MAST2: variants seen among roughly 807,000 people sequenced by gnomAD.
The protein encoded by MAST2 is microtubule-associated serine/threonine-protein kinase 2.
MAST2 carries 70 observed loss-of-function variants against 147.4 expected under a neutral mutation model. The ratio of observed to expected loss-of-function variants is 0.47; its 90% CI spans 0.39 to 0.58. MAST2 has a LOEUF of 0.58. Ranked by LOEUF, MAST2 falls within the 20% of genes least tolerant of loss-of-function variation. The probability of loss-of-function intolerance (pLI) is 0.00; values close to 1 mark genes in which losing one functional copy is unlikely to be tolerated. For missense variants in MAST2, 2,080 were observed against 2,302.3 expected (o/e 0.90, Z 1.98); for synonymous variants, 869 against 896.8 (o/e 0.97, Z 0.55).
chr1:45,861,104 C>A (rs910610244), intron 3 of MAST2, among the ~76,000 whole-genome samples: 5 of 152,182 alleles, frequency 3.3e-5, no homozygotes, highest in Non-Finnish European at 5.9e-5. Flanking sequence ...GACTTACCAG[C>A]ACCTCTATTA....
At chr1:45,921,821 T>C (rs1219060068) in intron 4 of MAST2, among the ~76,000 whole-genome samples, 1 of 152,116 alleles carries the variant, frequency 6.6e-6, no homozygotes, top group African/African-American at 2.4e-5. Flanking sequence ...TCGCCCACAA[T>C]GTGTTGAGCA....
At chr1:45,915,776 A>G (rs1461864605) in intron 4 of MAST2, among the ~76,000 whole-genome samples, 2 of 151,968 alleles carry the variant, frequency 1.3e-5, no homozygotes, top group African/African-American at 2.4e-5. Flanking sequence ...TCAATTATAT[A>G]TTGAACAAAA....
chr1:45,920,932 T>C (rs949634229), intron 4 of MAST2, among the ~76,000 whole-genome samples: 1 of 152,210 alleles, frequency 6.6e-6, no homozygotes, highest in Non-Finnish European at 1.5e-5. Flanking sequence ...AAGGAAGTTA[T>C]TAATAAGTAG....
intron 3 of MAST2, among the ~76,000 whole-genome samples, chr1:45,851,762 C>A (rs1645630048): frequency 6.6e-6 from 1 of 151,836 alleles, no homozygotes; most frequent in Non-Finnish European, 1.5e-5. Context: ...AAATTTTCAG[C>A]CCTACTTGAA....
chr1:46,010,702 A>G, intron 9 of MAST2, 28 bp from the exon 10 acceptor site: 2 of 1,602,324 alleles, frequency 1.2e-6, no homozygotes, highest in South Asian at 2.2e-5. Context: ...CTAGAAGGGA[A>G]GTGTTTCTTT....
In MAST2 at chr1:45,833,537, A is replaced by G. The variant is rs187329248; in HGVS notation, c.468+3956A>G. Among the ~76,000 whole-genome samples, 84 of 152,310 alleles carry G rather than the reference A, an allele frequency of 5.5e-4. No individual in the cohort carries two copies. In the East Asian group the frequency reaches 0.016, roughly 29 times the overall value. ...ATATATGTTTTCATTCCTCGTGGATATATATCTAGGAGAGAAGTTGCTGAG... is the reference window on the plus strand; with the variant it reads ...ATATATGTTTTCATTCCTCGTGGATGTATATCTAGGAGAGAAGTTGCTGAG... On this transcript the variant is annotated intron_variant, in intron 3 of 28. Transcript: ENST00000361297.
rs60802520 is a variant in MAST2 at position 45,975,495 on chromosome 1, C to CAAAAAAAAA, written c.592+16036_592+16044dup. Among the ~76,000 whole-genome samples, 13 of 40,432 alleles carry CAAAAAAAAA rather than the reference C, an allele frequency of 3.2e-4. 4 individuals are homozygous for CAAAAAAAAA. The highest frequency in any genetic ancestry group is 1.3e-3 in the African/African-American group (13 of 10,262). The allele number at this position is 40,432 out of a possible 152,430, so 26.5% of individuals were successfully genotyped here. A position where few individuals can be genotyped will look rare whatever the true frequency, so the allele number is the denominator to read the frequency against. On this transcript the variant is annotated intron_variant, in intron 5 of 28. Transcript: ENST00000361297. ...GCAATATAGTGAGTCCCTGTCTCTCCAAAAAAAAAAAAAAAAAAAAAAAAA... is the reference window on the plus strand; with the variant it reads ...GCAATATAGTGAGTCCCTGTCTCTCCAAAAAAAAAAAAAAAAAAAAAAAAAAAAAAAAAA...
intron 4 of MAST2, among the ~76,000 whole-genome samples, chr1:45,924,717 G>C (rs890539363): frequency 6.6e-6 from 1 of 152,168 alleles, no homozygotes; most frequent in African/African-American, 2.4e-5. Context: ...TAGTAACTCA[G>C]AACGTCACTG....
intron 3 of MAST2, among the ~76,000 whole-genome samples, chr1:45,866,845 T>A (rs1277404109): frequency 6.6e-6 from 1 of 151,880 alleles, no homozygotes; most frequent in Non-Finnish European, 1.5e-5. Flanking sequence ...CAGGTTCAAG[T>A]GATTCTCCTG....
intron 4 of MAST2, among the ~76,000 whole-genome samples, chr1:45,942,606 A>T (rs1657464794): frequency 6.6e-6 from 1 of 152,170 alleles, no homozygotes; most frequent in African/African-American, 2.4e-5. Flanking sequence ...ATACCATTTT[A>T]ACAAAGGATG....
intron 2 of MAST2, among the ~76,000 whole-genome samples, chr1:45,826,717 A>G (rs952131659): frequency 1.3e-5 from 2 of 152,106 alleles, no homozygotes; most frequent in Admixed American, 6.6e-5. Flanking sequence ...GCCCAGTTGC[A>G]TTGGTTACAG....
chr1:46,010,677 C>T (rs1645676416), intron 9 of MAST2, 53 bp from the exon 10 acceptor site: 1 of 1,548,874 alleles, frequency 6.5e-7, no homozygotes, highest in Admixed American at 1.7e-5. Context: ...AGGCTTAGCT[C>T]CAACTGAGCT....
At chr1:45,867,028 A>G (rs1000584577) in intron 3 of MAST2, among the ~76,000 whole-genome samples, 30 of 152,088 alleles carry the variant, frequency 2.0e-4, no homozygotes, top group African/African-American at 7.0e-4. Flanking sequence ...GGGATTGCAG[A>G]TGTGAGCCAC....
intron 4 of MAST2, among the ~76,000 whole-genome samples, chr1:45,908,725 G>A (rs1651178991): frequency 6.6e-6 from 1 of 152,080 alleles, no homozygotes; most frequent in Non-Finnish European, 1.5e-5. Context: ...AACATGCAAT[G>A]TCTGCTTGAT....
At chr1:45,839,469 C>T (rs761414997) in intron 3 of MAST2, among the ~76,000 whole-genome samples, 19 of 152,164 alleles carry the variant, frequency 1.2e-4, no homozygotes, top group Middle Eastern at 3.4e-3. Flanking sequence ...GATGGGGTTT[C>T]GCCATGTTGC....
Position 45,834,584 on chromosome 1 carries a change from G to A in MAST2, c.468+5003G>A, listed in dbSNP as rs13374363. The stretch of plus-strand genomic sequence containing the variant: ...TTAGGGATGGAGTAAAACTTAGATA[G>A]CGTCTTGTTCAAGATTAGTTATTAT... On this transcript the variant is annotated intron_variant, in intron 3 of 28. Transcript: ENST00000361297. Among the ~76,000 whole-genome samples the A allele has an allele frequency of 7.5e-3, 1,146 of 152,202 alleles. 14 individuals carry two copies. The highest frequency in any genetic ancestry group is 0.026 in the African/African-American group (1,094 of 41,536).
In MAST2 at chr1:45,934,811, C is replaced by T. The variant is rs1655938866; in HGVS notation, c.501-24575C>T. ...TTATTCAGTCCTCTGTTGATGGGCA[C>T]CTAATTTGATTCCGTGTCTTTGCTA... is the stretch of plus-strand genomic sequence containing the variant. On this transcript the variant is annotated intron_variant, in intron 4 of 28. Coordinates refer to ENST00000361297, the MANE Select transcript of MAST2 (RefSeq NM_015112.3). Among the ~76,000 whole-genome samples, 8 of 152,252 alleles carry T rather than the reference C, an allele frequency of 5.3e-5. No homozygotes were observed. In the South Asian group the frequency reaches 1.7e-3, roughly 32 times the overall value.
At chr1:45,815,086 A>G (rs1285505043) in intron 1 of MAST2, among the ~76,000 whole-genome samples, 2 of 152,116 alleles carry the variant, frequency 1.3e-5, no homozygotes, top group African/African-American at 2.4e-5. Flanking sequence ...GTAGATGCAT[A>G]TATCCTTTAA....
At chr1:45,962,579 G>T (rs868104724) in intron 5 of MAST2, among the ~76,000 whole-genome samples, 6 of 152,190 alleles carry the variant, frequency 3.9e-5, no homozygotes, top group Non-Finnish European at 8.8e-5. Context: ...CTTTTGAGAA[G>T]TGTCTGTTCA....
Sources: allele counts gnomAD v4.1 joint callset (sites outside exome capture counted in the v4.1 genomes callset), GRCh38; gene constraint gnomAD v4.1.1; transcripts MANE v1.5; gene names NCBI Gene and HGNC (gene_info 2026-07-23, HGNC 2026-07-21).